The following NPAS3 variants were observed in gnomAD, a reference collection of about 807,000 sequenced individuals.
The protein encoded by NPAS3 is neuronal PAS domain protein 3, also known as neuronal PAS domain-containing protein 3.
In NPAS3, 14 loss-of-function variants were observed where a neutral mutation model predicts 73.1. The ratio of observed to expected loss-of-function variants is 0.19; its 90% CI spans 0.13 to 0.30. The LOEUF (loss-of-function observed/expected upper bound fraction) is 0.30, where lower values mean the gene tolerates loss of function less well. Among genes scored for constraint, NPAS3 ranks in the 10% least tolerant of loss-of-function variants. The pLI is 1.00. For missense variants in NPAS3, 1,096 were observed against 1,250.0 expected (o/e 0.88, Z 1.86); for synonymous variants, 620 against 541.5 (o/e 1.14, Z -2.01).
At chr14:33,267,193 G>A (rs2040856894) in intron 3 of NPAS3, among the ~76,000 whole-genome samples, 1 of 152,068 alleles carries the variant, frequency 6.6e-6, no homozygotes, top group Non-Finnish European at 1.5e-5. Context: ...GGGGAAGCTG[G>A]GCATATCAAG....
chr14:33,302,918 T>A (rs2042611752), intron 3 of NPAS3, among the ~76,000 whole-genome samples: 1 of 152,112 alleles, frequency 6.6e-6, no homozygotes, highest in African/African-American at 2.4e-5. Context: ...TCTCTTTTTT[T>A]TTTTTAATGC....
At chr14:33,228,642 G>A (rs1040861036) in intron 3 of NPAS3, among the ~76,000 whole-genome samples, 4 of 151,982 alleles carry the variant, frequency 2.6e-5, no homozygotes, top group African/African-American at 9.7e-5. Flanking sequence ...TATATTGCAA[G>A]ACTCTGTACT....
At chr14:33,215,613 T>C (rs890912192) in intron 3 of NPAS3, 187 bp downstream of exon 3, 1 of 750,668 alleles carries the variant, frequency 1.3e-6, no homozygotes, top group Admixed American at 2.1e-5. Context: ...TATTTTTCTA[T>C]TTTATTTTCA....
intron 4 of NPAS3, among the ~76,000 whole-genome samples, chr14:33,372,389 T>A (rs544951231): frequency 3.7e-4 from 57 of 152,294 alleles, no homozygotes; most frequent in African/African-American, 1.4e-3. Context: ...AAAGAAAGTT[T>A]GGTGGGATCC....
chr14:33,118,063 T>A (rs1008657271), intron 2 of NPAS3, among the ~76,000 whole-genome samples: 2 of 152,106 alleles, frequency 1.3e-5, no homozygotes, highest in African/African-American at 2.4e-5. Flanking sequence ...GGGGAGCATA[T>A]TTCCAGTCTA....
intron 3 of NPAS3, among the ~76,000 whole-genome samples, chr14:33,257,179 C>T (rs1403269883): frequency 6.6e-6 from 1 of 152,202 alleles, no homozygotes; most frequent in Non-Finnish European, 1.5e-5. Context: ...TTCCTTCCAT[C>T]GCCTCCCAGA....
At chr14:33,437,908 C>A (rs1301140028) in intron 4 of NPAS3, among the ~76,000 whole-genome samples, 1 of 152,194 alleles carries the variant, frequency 6.6e-6, no homozygotes, top group Non-Finnish European at 1.5e-5. Flanking sequence ...TAGCCTATTT[C>A]TTCCCCCTTA....
At chr14:33,395,296 T>C (rs1434366182) in intron 4 of NPAS3, among the ~76,000 whole-genome samples, 1 of 152,154 alleles carries the variant, frequency 6.6e-6, no homozygotes, top group Non-Finnish European at 1.5e-5. Flanking sequence ...ATATTATCAT[T>C]TATTTTTGGC....
chr14:33,638,170 A>G (rs1385026051), intron 5 of NPAS3, among the ~76,000 whole-genome samples: 2 of 152,232 alleles, frequency 1.3e-5, no homozygotes, highest in African/African-American at 4.8e-5. Context: ...GACTGTTTGA[A>G]TTCGGTCTAA....
chr14:33,308,527 T>TATATACACAC, intron 3 of NPAS3, among the ~76,000 whole-genome samples: 14 of 103,666 alleles, frequency 1.4e-4, no homozygotes, highest in African/African-American at 2.8e-4. Context: ...TATATATATA[T>TATATACACAC]ACATACACAC....
chr14:33,549,037 A>T (rs2054982175), intron 4 of NPAS3, among the ~76,000 whole-genome samples: 1 of 152,186 alleles, frequency 6.6e-6, no homozygotes, highest in Admixed American at 6.5e-5. Context: ...ATATTTATTT[A>T]TAACCAAATG....
chr14:33,579,827 T>C (rs2056593472), intron 5 of NPAS3, among the ~76,000 whole-genome samples: 1 of 152,180 alleles, frequency 6.6e-6, no homozygotes, highest in South Asian at 2.1e-4. Flanking sequence ...TTATTGTATC[T>C]ACACGAAGCC....
chr14:33,047,687 A>C (rs1477297882), intron 1 of NPAS3, among the ~76,000 whole-genome samples: 1 of 152,196 alleles, frequency 6.6e-6, no homozygotes, highest in Non-Finnish European at 1.5e-5. Context: ...CATATAGTAA[A>C]GTTTTTTGGT....
intron 1 of NPAS3, among the ~76,000 whole-genome samples, chr14:33,009,726 G>C (rs1465852590): frequency 6.6e-6 from 1 of 152,046 alleles, no homozygotes; most frequent in African/African-American, 2.4e-5. Context: ...TCATTATAAA[G>C]GTGAGGAACC....
At chr14:32,938,204 T>C (rs1196639558), upstream of NPAS3, among the ~76,000 whole-genome samples, 1 of 152,144 alleles carries the variant, frequency 6.6e-6, no homozygotes, top group East Asian at 1.9e-4. Flanking sequence ...CTTGTGCTGC[T>C]GCTGCACCGC....
At chr14:33,515,642 G>T (rs899265456) in intron 4 of NPAS3, among the ~76,000 whole-genome samples, 2 of 152,024 alleles carry the variant, frequency 1.3e-5, no homozygotes, top group East Asian at 1.9e-4. Flanking sequence ...TACAGGAAAA[G>T]GTTGCTGATC....
At chr14:33,635,041 A>G in intron 5 of NPAS3, among the ~76,000 whole-genome samples, 1 of 152,252 alleles carries the variant, frequency 6.6e-6, no homozygotes, top group East Asian at 1.9e-4. Flanking sequence ...TGAGGAAAGT[A>G]TCACACAAGA....
intron 5 of NPAS3, among the ~76,000 whole-genome samples, chr14:33,590,223 C>T (rs916692883): frequency 6.6e-6 from 1 of 152,134 alleles, no homozygotes; most frequent in Admixed American, 6.5e-5. Flanking sequence ...AGTCTTGGAC[C>T]ACAGGAAGTT....
In NPAS3 at chr14:33,056,055, G is replaced by A. The variant is rs1228748569; in HGVS notation, c.140+61G>A. ...CGTACATCAGTGCTTGTGGTTGCCA[G>A]CTATTCAAAAATATCCTTGTATTGA... On this transcript the variant is annotated intron_variant, in intron 2 of 11. Transcript: ENST00000356141. The A allele has an allele frequency of 5.5e-6, 4 of 724,264 alleles. No individual in the cohort carries two copies. The Admixed American group carries it at 6.7e-5, about 12-fold the overall frequency. The allele number at this position is 724,264 out of a possible 1,614,324, so 44.9% of individuals were successfully genotyped here. A position where few individuals can be genotyped will look rare whatever the true frequency, so the allele number is the denominator to read the frequency against.
Sources: gnomAD v4.1 joint callset for allele counts (sites outside exome capture counted in the v4.1 genomes callset) on GRCh38, gnomAD v4.1.1 for gene constraint, MANE v1.5 for transcripts, NCBI Gene and HGNC (gene_info 2026-07-23, HGNC 2026-07-21) for gene names.